The following GLYATL2 variants were observed in gnomAD, a reference collection of about 807,000 sequenced individuals.
GLYATL2 encodes glycine-N-acyltransferase like 2, also known as glycine N-acyltransferase-like protein 2.
Under a neutral mutation model 21.4 loss-of-function variants are expected in GLYATL2, and 25 were observed. The observed-to-expected ratio is 1.17, with a 90% CI of 0.85 to 1.63. The LOEUF is 1.63. GLYATL2 is among the 40% of genes most tolerant of loss of function. The pLI is 0.00. For synonymous variants in GLYATL2, 114 were observed against 118.2 expected, an observed-to-expected ratio of 0.96 and a Z score of 0.23; for missense variants, 361 against 343.3, an observed-to-expected ratio of 1.05 and a Z score of -0.41.
chr11:58,865,522 C>G (rs1854008264), intron 1 of GLYATL2, among the ~76,000 whole-genome samples: 2 of 149,002 alleles, frequency 1.3e-5, no homozygotes, highest in Admixed American at 1.4e-4. Context: ...AAATGGAAAC[C>G]AGCATTTTCC....
chr11:58,839,947 G>C (rs1222209642), intron 1 of GLYATL2, among the ~76,000 whole-genome samples: 1 of 152,148 alleles, frequency 6.6e-6, no homozygotes, highest in African/African-American at 2.4e-5. Flanking sequence ...AATATGGAGA[G>C]TGAATGCCTT....
At chr11:58,879,230 G>A (rs541324879) in intron 1 of GLYATL2, among the ~76,000 whole-genome samples, 115 of 151,912 alleles carry the variant, frequency 7.6e-4, no homozygotes, top group African/African-American at 2.6e-3. Context: ...TGGTACTACA[G>A]AAAATTCTAA....
In GLYATL2 at chr11:58,859,856, G is replaced by A. The variant is rs77368549; in HGVS notation, n.61-21488C>T. 5.1e-3 allele frequency among the ~76,000 whole-genome samples: 779 copies of A among 152,202 alleles called. 5 individuals carry two copies. Among genetic ancestry groups the A allele is most frequent in the African/African-American group, 0.018 (742 of 41,544 alleles). ...ATGTGGATATGCAGTTTTTTCAACAGCATTTATTAAAGAGACTGTTCACTC... is the reference window on the plus strand; with the variant it reads ...ATGTGGATATGCAGTTTTTTCAACAACATTTATTAAAGAGACTGTTCACTC... On this transcript the variant is annotated intron_variant and non_coding_transcript_variant, in intron 1 of 4. Transcript: ENST00000533636.
At chr11:58,849,723 G>A (rs1853706360) in intron 1 of GLYATL2, among the ~76,000 whole-genome samples, 1 of 152,158 alleles carries the variant, frequency 6.6e-6, no homozygotes, top group Non-Finnish European at 1.5e-5. Flanking sequence ...ACTTATAAGT[G>A]GGAGTTGAAC....
chr11:58,856,086 G>C (rs564971801), intron 1 of GLYATL2, among the ~76,000 whole-genome samples: 2 of 152,138 alleles, frequency 1.3e-5, no homozygotes, highest in South Asian at 2.1e-4. Context: ...AGCCCTGATC[G>C]CTGCACCACT....
chr11:58,879,104 A>G (rs747030860), intron 1 of GLYATL2, among the ~76,000 whole-genome samples: 149 of 151,986 alleles, frequency 9.8e-4, no homozygotes, highest in Non-Finnish European at 1.9e-3. Context: ...ACTGCTGGGG[A>G]AAAAAAATAA....
At chr11:58,837,782 G>A (rs1385793931) in intron 3 of GLYATL2, among the ~76,000 whole-genome samples, 7 of 152,200 alleles carry the variant, frequency 4.6e-5, no homozygotes. Context: ...CTGACCCAGG[G>A]GGCTGGCTCA....
chr11:58,873,157 G>A (rs1428229756), intron 1 of GLYATL2, among the ~76,000 whole-genome samples: 2 of 150,652 alleles, frequency 1.3e-5, no homozygotes, highest in Admixed American at 1.3e-4. Context: ...CTTTGCTGAA[G>A]TTGTTTATCA....
At position 58,893,781 on chromosome 11, in the gene GLYATL2, A is replaced by T. The variant is rs1036177744; in HGVS notation, n.60+10375T>A. On this transcript the variant is annotated intron_variant and non_coding_transcript_variant, in intron 1 of 4. Coordinates refer to the GLYATL2 transcript ENST00000533636. ...AATCAGAACTCTTTATGAAACTTGGATGATAGAATCTACTATCTGGAAGAT... is the reference window on the plus strand; with the variant it reads ...AATCAGAACTCTTTATGAAACTTGGTTGATAGAATCTACTATCTGGAAGAT... 5.9e-5 allele frequency among the ~76,000 whole-genome samples: 9 copies of T among 152,214 alleles called. 1 individual carries two copies. The East Asian group carries it at 1.7e-3, about 29-fold the overall frequency.
intron 1 of GLYATL2, among the ~76,000 whole-genome samples, chr11:58,875,119 T>C (rs1331903337): frequency 6.6e-6 from 1 of 152,216 alleles, no homozygotes; most frequent in Non-Finnish European, 1.5e-5. Context: ...AACCCTTGCC[T>C]TTTTTTGTTT....
intron 1 of GLYATL2, among the ~76,000 whole-genome samples, chr11:58,879,002 T>G (rs1854286431): frequency 6.6e-6 from 1 of 152,192 alleles, no homozygotes; most frequent in South Asian, 2.1e-4. Flanking sequence ...TGTTGATGGC[T>G]GTGGGTGACA....
chr11:58,873,281 T>A (rs1706719346), intron 1 of GLYATL2, among the ~76,000 whole-genome samples: 1 of 151,890 alleles, frequency 6.6e-6, no homozygotes, highest in African/African-American at 2.4e-5. Context: ...CTTTATTTCC[T>A]TCTCCTGCCT....
Position 58,838,304 on chromosome 11 carries a change from G to A in GLYATL2, c.143C>T (p.Ala48Val), listed in dbSNP as rs970710088. 1.2e-6 allele frequency: 2 copies of A among 1,613,176 alleles called. No individual in the cohort carries two copies. Among genetic ancestry groups the A allele is most frequent in the South Asian group, 1.1e-5 (1 of 91,068 alleles). Residue 48 changes from alanine (A) to valine (V), a missense_variant, in exon 3 of 6, where the codon GCC (alanine) becomes GTC (valine). Coordinates refer to ENST00000287275, the MANE Select transcript of GLYATL2 (RefSeq NM_145016.4). ...AATGACGATCTGGTAATCTGGCCAG[G>A]CATCTACCAGCACCTCCATGTTGAA... ...NPFNMEVLVDAWPDYQIVITR... is the reference protein window; with the variant it reads ...NPFNMEVLVDVWPDYQIVITR...
At chr11:58,842,257 A>G (rs1037849964) in intron 1 of GLYATL2, among the ~76,000 whole-genome samples, 3 of 152,226 alleles carry the variant, frequency 2.0e-5, no homozygotes, top group African/African-American at 7.2e-5. Flanking sequence ...TTCAGTGAAA[A>G]GTCAGAAAAA....
At chr11:58,895,751 C>T (rs1182270371) in intron 1 of GLYATL2, among the ~76,000 whole-genome samples, 2 of 132,584 alleles carry the variant, frequency 1.5e-5, no homozygotes, top group Admixed American at 8.3e-5. Context: ...AAAATCAAGC[C>T]TCAAGCATAG....
At chr11:58,902,765 A>C (rs1854761840) in intron 1 of GLYATL2, among the ~76,000 whole-genome samples, 1 of 152,184 alleles carries the variant, frequency 6.6e-6, no homozygotes, top group Non-Finnish European at 1.5e-5. Flanking sequence ...AGCCAACAAG[A>C]TGCTTTCTGC....
intron 1 of GLYATL2, among the ~76,000 whole-genome samples, chr11:58,872,381 T>A (rs1260692730): frequency 2.0e-5 from 3 of 152,238 alleles, no homozygotes; most frequent in African/African-American, 4.8e-5. Context: ...CTGAATGGTA[T>A]TCCCTAGGTT....
intron 1 of GLYATL2, among the ~76,000 whole-genome samples, chr11:58,858,963 C>T (rs1853882727): frequency 1.3e-5 from 2 of 152,186 alleles, no homozygotes; most frequent in South Asian, 4.1e-4. Context: ...AGTACCTCTC[C>T]CTGAATGGTG....
intron 1 of GLYATL2, among the ~76,000 whole-genome samples, chr11:58,875,982 T>A (rs369957265): frequency 6.6e-6 from 1 of 152,192 alleles, no homozygotes; most frequent in African/African-American, 2.4e-5. Context: ...GGAGGCTTTG[T>A]TCATTTCTTT....
Sources: gnomAD v4.1 joint callset for allele counts (sites outside exome capture counted in the v4.1 genomes callset) on GRCh38, gnomAD v4.1.1 for gene constraint, MANE v1.5 for transcripts, NCBI Gene and HGNC (gene_info 2026-07-23, HGNC 2026-07-21) for gene names.